The following ZPBP variants were observed in gnomAD, a reference collection of about 807,000 sequenced individuals.
The protein encoded by ZPBP is zona pellucida-binding protein 1.
ZPBP carries 26 observed loss-of-function variants against 44.8 expected under a neutral mutation model. That is an observed-to-expected ratio of 0.58 (90% confidence interval 0.43 to 0.81). The LOEUF (loss-of-function observed/expected upper bound fraction) is 0.81. Ranked by LOEUF, ZPBP falls within the 30% of genes least tolerant of loss-of-function variation. The probability of loss-of-function intolerance (pLI) is 0.00; values close to 1 mark genes in which losing one functional copy is unlikely to be tolerated. For synonymous variants in ZPBP, 174 were observed against 153.2 expected, an observed-to-expected ratio of 1.14 and a Z score of -1.00; for missense variants, 409 against 434.0, an observed-to-expected ratio of 0.94 and a Z score of 0.51.
chr7:50,039,265 A>G (rs1162149404), intron 4 of ZPBP, among the ~76,000 whole-genome samples: 1 of 152,204 alleles, frequency 6.6e-6, no homozygotes, highest in Non-Finnish European at 1.5e-5. Context: ...GAAATGCAAG[A>G]GCTGAAAAGT....
At chr7:49,903,437 C>T (rs140262939) in intron 1 of ZPBP, among the ~76,000 whole-genome samples, 4 of 152,320 alleles carry the variant, frequency 2.6e-5, no homozygotes, top group African/African-American at 9.6e-5. Flanking sequence ...CTCACCACAA[C>T]TTGGATAGAT....
intron 4 of ZPBP, among the ~76,000 whole-genome samples, chr7:50,043,536 G>A (rs945931047): frequency 6.6e-6 from 1 of 152,168 alleles, no homozygotes; most frequent in Admixed American, 6.5e-5. Context: ...CCTAGTCTAT[G>A]ATAAAACAGA....
At chr7:49,939,374 C>T (rs556382840) in intron 7 of ZPBP, among the ~76,000 whole-genome samples, 1 of 152,250 alleles carries the variant, frequency 6.6e-6, no homozygotes, top group East Asian at 1.9e-4. Flanking sequence ...AATAAACCGT[C>T]ACAGTATGAC....
At chr7:49,845,334 A>T in the ZPBP span, among the ~76,000 whole-genome samples, 1 of 152,244 alleles carries the variant, frequency 6.6e-6, no homozygotes, top group African/African-American at 2.4e-5. Flanking sequence ...TACAATCTCT[A>T]GGACTCTATC....
At chr7:49,975,314 G>A (rs1796460716) in intron 7 of ZPBP, among the ~76,000 whole-genome samples, 1 of 152,092 alleles carries the variant, frequency 6.6e-6, no homozygotes, top group African/African-American at 2.4e-5. Flanking sequence ...TCCTCTTTTG[G>A]TGCCCAGGTC....
chr7:49,871,502 G>C (rs926789704), intron 2 of ZPBP, among the ~76,000 whole-genome samples: 1 of 152,160 alleles, frequency 6.6e-6, no homozygotes, highest in Non-Finnish European at 1.5e-5. Flanking sequence ...TTACAGATGA[G>C]TTGGCTTGGT....
chr7:49,999,367 G>A (rs1797998519), intron 6 of ZPBP, among the ~76,000 whole-genome samples: 1 of 151,888 alleles, frequency 6.6e-6, no homozygotes, highest in Admixed American at 6.6e-5. Context: ...CTATTATCCT[G>A]TGATTTTTAT....
chr7:49,976,512 C>T (rs1036338206), intron 7 of ZPBP, among the ~76,000 whole-genome samples: 1 of 152,136 alleles, frequency 6.6e-6, no homozygotes, highest in African/African-American at 2.4e-5. Context: ...CCACACACCC[C>T]CTTCTATCCA....
intron 4 of ZPBP, among the ~76,000 whole-genome samples, chr7:50,042,156 A>G (rs1257441661): frequency 2.0e-5 from 3 of 152,238 alleles, no homozygotes; most frequent in African/African-American, 7.2e-5. Flanking sequence ...CAAAGCCTCC[A>G]AGAAATATGG....
chr7:50,065,795 T>C (rs1584155153), intron 3 of ZPBP, among the ~76,000 whole-genome samples: 2 of 151,174 alleles, frequency 1.3e-5, no homozygotes, highest in East Asian at 3.9e-4. Flanking sequence ...CTTATGGACC[T>C]GGAATTGCAG....
chr7:49,939,364 A>G (rs1794761213), intron 7 of ZPBP, among the ~76,000 whole-genome samples: 1 of 152,196 alleles, frequency 6.6e-6, no homozygotes, highest in Non-Finnish European at 1.5e-5. Flanking sequence ...TCTTAGAATT[A>G]ATAAACCGTC....
intron 2 of ZPBP, among the ~76,000 whole-genome samples, chr7:49,880,566 A>AT (rs1400663435): frequency 6.6e-6 from 1 of 150,740 alleles, no homozygotes; most frequent in Non-Finnish European, 1.5e-5. Flanking sequence ...ATTTTTTATC[A>AT]TTTCTATTTT....
rs558469040 is a variant in ZPBP, at chr7:50,066,948, G to A, written c.335-8807C>T. Among the ~76,000 whole-genome samples, 164 of 152,254 alleles carry A rather than the reference G, an allele frequency of 1.1e-3. 1 individual carries two copies. The highest frequency in any genetic ancestry group is 3.8e-3 in the African/African-American group (156 of 41,530). Reference sequence around the variant, plus strand: ...GGAGTCACTACTGCCGCTGATTTTAGCCAGCTATGGTGAATCCAAGGTGTG... The same window carrying A: ...GGAGTCACTACTGCCGCTGATTTTAACCAGCTATGGTGAATCCAAGGTGTG... On this transcript the variant is annotated intron_variant, in intron 3 of 7. Transcript: ENST00000046087.
At chr7:49,990,233 T>A (rs11981001) in intron 6 of ZPBP, among the ~76,000 whole-genome samples, 2,040 of 152,258 alleles carry the variant, frequency 0.013, 38 homozygotes, top group African/African-American at 0.046. Context: ...ATGGCATAAA[T>A]GAGGTCTAGA....
At chr7:49,963,362 C>A (rs1214867194) in intron 7 of ZPBP, among the ~76,000 whole-genome samples, 2 of 151,586 alleles carry the variant, frequency 1.3e-5, no homozygotes, top group Non-Finnish European at 3.0e-5. Context: ...CCATATCACT[C>A]CACGATTTAA....
At chr7:49,863,350 G>A (rs956078948) in intron 2 of ZPBP, among the ~76,000 whole-genome samples, 3 of 151,614 alleles carry the variant, frequency 2.0e-5, no homozygotes, top group South Asian at 2.1e-4. Context: ...TTTTATCTTC[G>A]CCACTCCAGC....
At chr7:49,943,003 G>A (rs10251249) in intron 7 of ZPBP, 168,030 of 218,124 alleles carry the variant, frequency 0.77, 65,087 homozygotes, top group East Asian at 0.89. Context: ...CAACTTCCAC[G>A]GATTAGGAGG....
intron 6 of ZPBP, among the ~76,000 whole-genome samples, chr7:49,987,727 GTTGTGT>G (rs1217313193): frequency 1.3e-3 from 121 of 93,458 alleles, no homozygotes; most frequent in Middle Eastern, 4.4e-3. Context: ...TTATATATGT[GTTGTGT>G]GTGTGTGTGT....
At chr7:50,023,535 G>T (rs995364992) in intron 5 of ZPBP, among the ~76,000 whole-genome samples, 1 of 151,740 alleles carries the variant, frequency 6.6e-6, no homozygotes, top group African/African-American at 2.4e-5. Flanking sequence ...CACACTAAAA[G>T]AACTATTTAA....
Sources: gnomAD v4.1 joint callset for allele counts (sites outside exome capture counted in the v4.1 genomes callset) on GRCh38, gnomAD v4.1.1 for gene constraint, MANE v1.5 for transcripts, NCBI Gene and HGNC (gene_info 2026-07-23, HGNC 2026-07-21) for gene names.